The following GALNT13 variants were observed in gnomAD, a reference collection of about 807,000 sequenced individuals.
GALNT13 encodes the protein polypeptide N-acetylgalactosaminyltransferase 13, also known as UDP-GalNAc:polypeptide N-acetylgalactosaminyltransferase 13.
GALNT13 carries 28 observed loss-of-function variants against 64.2 expected under a neutral mutation model. The ratio of observed to expected loss-of-function variants is 0.44; its 90% CI spans 0.32 to 0.60. The LOEUF (loss-of-function observed/expected upper bound fraction) is 0.60, where lower values mean the gene tolerates loss of function less well. Ranked by LOEUF, GALNT13 falls within the 20% of genes least tolerant of loss-of-function variation. The pLI is 0.05. For synonymous variants in GALNT13, 214 were observed against 224.6 expected, an observed-to-expected ratio of 0.95 and a Z score of 0.42; for missense variants, 577 against 669.8, an observed-to-expected ratio of 0.86 and a Z score of 1.53.
the GALNT13 span, among the ~76,000 whole-genome samples, chr2:153,311,965 G>T: frequency 6.6e-6 from 1 of 152,104 alleles, no homozygotes; most frequent in Non-Finnish European, 1.5e-5. Context: ...AGTTGATAAA[G>T]GATGACTCTC....
the GALNT13 span, among the ~76,000 whole-genome samples, chr2:153,637,957 C>T: frequency 1.3e-5 from 2 of 150,528 alleles, 1 homozygote; most frequent in South Asian, 4.2e-4. Context: ...AATAGAGAAA[C>T]CAAATTAAGC....
the GALNT13 span, among the ~76,000 whole-genome samples, chr2:153,086,175 T>A: frequency 6.6e-6 from 1 of 152,224 alleles, no homozygotes; most frequent in African/African-American, 2.4e-5. Context: ...AACTTGCTGT[T>A]GATTTTACAG....
Position 154,305,086 on chromosome 2 carries a change from A to T in GALNT13, c.1156+3497A>T, listed in dbSNP as rs187180285. On this transcript the variant is annotated intron_variant, in intron 9 of 12. Transcript: ENST00000392825. ...TTGAGCCCTGGGAAGATTTCAGATCATCCAAAAACAGATAAAACAGGTTGC... is the reference window on the plus strand; with the variant it reads ...TTGAGCCCTGGGAAGATTTCAGATCTTCCAAAAACAGATAAAACAGGTTGC... Among the ~76,000 whole-genome samples the T allele has an allele frequency of 1.1e-3, 161 of 152,374 alleles. 1 individual carries two copies. Among genetic ancestry groups the T allele is most frequent in the Admixed American group, 3.1e-3 (47 of 15,304 alleles).
chr2:154,404,088 T>C (rs1178420950), intron 10 of GALNT13, among the ~76,000 whole-genome samples: 2 of 152,194 alleles, frequency 1.3e-5, no homozygotes, highest in Admixed American at 1.3e-4. Context: ...TGTCTATTGC[T>C]ATTCTCCCAG....
chr2:153,540,748 C>T, the GALNT13 span, among the ~76,000 whole-genome samples: 2 of 152,206 alleles, frequency 1.3e-5, no homozygotes, highest in East Asian at 1.9e-4. Context: ...ATGACTGCCC[C>T]GCTGGGTTTC....
the GALNT13 span, among the ~76,000 whole-genome samples, chr2:153,229,779 C>T: frequency 6.6e-6 from 1 of 152,134 alleles, no homozygotes; most frequent in African/African-American, 2.4e-5. Flanking sequence ...GTCTTTAAAC[C>T]TCTCCTCTGT....
At chr2:153,653,052 A>G in the GALNT13 span, among the ~76,000 whole-genome samples, 1 of 152,190 alleles carries the variant, frequency 6.6e-6, no homozygotes, top group Non-Finnish European at 1.5e-5. Context: ...TACATACCTT[A>G]GGTGGCAGAT....
intron 3 of GALNT13, among the ~76,000 whole-genome samples, chr2:154,049,477 C>T (rs1699466463): frequency 6.9e-6 from 1 of 145,106 alleles, no homozygotes; most frequent in African/African-American, 2.5e-5. Context: ...ATATATATTT[C>T]ACTGTGATAT....
chr2:154,053,059 TTA>T (rs1338056116), intron 3 of GALNT13, among the ~76,000 whole-genome samples: 1 of 152,060 alleles, frequency 6.6e-6, no homozygotes, highest in Non-Finnish European at 1.5e-5. Flanking sequence ...TATTTTTTGG[TTA>T]TCACTTTTTC....
chr2:153,612,636 G>A, the GALNT13 span, among the ~76,000 whole-genome samples: 29,279 of 150,912 alleles, frequency 0.19, 3,017 homozygotes, highest in African/African-American at 0.25. Context: ...AGAAAACAAA[G>A]AAAAAAAGGC....
the GALNT13 span, among the ~76,000 whole-genome samples, chr2:153,405,553 T>C: frequency 6.6e-6 from 1 of 152,078 alleles, no homozygotes; most frequent in South Asian, 2.1e-4. Flanking sequence ...CAATTATCAT[T>C]GAGACAATTG....
intron 3 of GALNT13, among the ~76,000 whole-genome samples, chr2:154,117,503 A>C (rs1188618829): frequency 7.1e-6 from 1 of 141,438 alleles, no homozygotes; most frequent in Non-Finnish European, 1.5e-5. Flanking sequence ...CCAACATATG[A>C]GTGAGAACAT....
chr2:153,538,078 T>A, the GALNT13 span, among the ~76,000 whole-genome samples: 4 of 152,158 alleles, frequency 2.6e-5, no homozygotes, highest in African/African-American at 9.7e-5. Context: ...TGGAACTCCC[T>A]GGAGACTTGT....
chr2:154,305,351 T>C (rs1339448004), intron 9 of GALNT13, among the ~76,000 whole-genome samples: 2 of 151,876 alleles, frequency 1.3e-5, no homozygotes, highest in African/African-American at 4.8e-5. Context: ...CATCCACAGT[T>C]AGAACTATAT....
chr2:153,672,980 C>A, the GALNT13 span, among the ~76,000 whole-genome samples: 193 of 152,210 alleles, frequency 1.3e-3, no homozygotes, highest in Non-Finnish European at 1.3e-3. Context: ...AATTCTTGGA[C>A]ACATACACCC....
the GALNT13 span, among the ~76,000 whole-genome samples, chr2:153,728,999 G>A: frequency 4.7e-4 from 72 of 152,230 alleles, no homozygotes; most frequent in African/African-American, 1.6e-3. Context: ...GTAATTAATA[G>A]TGTATCAACC....
At chr2:154,003,596 A>G (rs1035272378) in intron 3 of GALNT13, among the ~76,000 whole-genome samples, 6 of 152,106 alleles carry the variant, frequency 3.9e-5, no homozygotes, top group African/African-American at 1.4e-4. Context: ...ATTGTTGAAT[A>G]CAAAGTCTTG....
At chr2:153,188,546 C>A in the GALNT13 span, among the ~76,000 whole-genome samples, 1 of 152,108 alleles carries the variant, frequency 6.6e-6, no homozygotes, top group African/African-American at 2.4e-5. Flanking sequence ...AGTTCAGTAA[C>A]AACTACCCAA....
chr2:153,545,856 C>T, the GALNT13 span, among the ~76,000 whole-genome samples: 17 of 152,168 alleles, frequency 1.1e-4, no homozygotes, highest in Non-Finnish European at 1.9e-4. Context: ...AGAGGATATG[C>T]CTAGCTCAAC....
Sources: allele counts gnomAD v4.1 joint callset (sites outside exome capture counted in the v4.1 genomes callset), GRCh38; gene constraint gnomAD v4.1.1; transcripts MANE v1.5; gene names NCBI Gene and HGNC (gene_info 2026-07-23, HGNC 2026-07-21).